The following ADK variants were observed in gnomAD, a reference collection of about 807,000 sequenced individuals.
ADK encodes the protein adenosine kinase.
A neutral mutation model predicts 44.7 loss-of-function variants in ADK; 24 were observed. The ratio of observed to expected loss-of-function variants is 0.54; its 90% CI spans 0.39 to 0.76. ADK has a LOEUF of 0.76. Among genes scored for constraint, ADK ranks in the 30% least tolerant of loss-of-function variants. The pLI, the probability that ADK is intolerant of heterozygous loss-of-function variation, is 0.00. For missense variants in ADK, 321 were observed against 425.1 expected (o/e 0.76, Z 2.15); for synonymous variants, 128 against 142.6 (o/e 0.90, Z 0.73).
chr10:74,476,385 G>A lies in ADK; in HGVS notation c.556-48871G>A, dbSNP rs910819816. ...ACACATGCTGTAATCCCAGCTACTC[G>A]GGAGGCTGAGGCAAGAGAATTGCTT... is the stretch of plus-strand genomic sequence containing the variant. On this transcript the variant is annotated intron_variant, in intron 6 of 10. Transcript: ENST00000539909. 3.9e-5 allele frequency among the ~76,000 whole-genome samples: 6 copies of A among 151,974 alleles called. No individual in the cohort carries two copies. In the East Asian group the frequency reaches 5.8e-4, roughly 15 times the overall value.
chr10:74,521,498 G>C (rs1283859053), intron 6 of ADK, among the ~76,000 whole-genome samples: 1 of 152,142 alleles, frequency 6.6e-6, no homozygotes, highest in Non-Finnish European at 1.5e-5. Context: ...TCTGAAGTTG[G>C]TGAGAAGCCT....
intron 7 of ADK, among the ~76,000 whole-genome samples, chr10:74,569,381 A>G (rs1380185988): frequency 6.6e-6 from 1 of 152,196 alleles, no homozygotes; most frequent in African/African-American, 2.4e-5. Context: ...GAACTAGTTT[A>G]CAGTCCCACC....
At chr10:74,371,869 TC>T in intron 4 of ADK, 2 of 1,436,500 alleles carry the variant, frequency 1.4e-6, no homozygotes, top group Non-Finnish European at 1.9e-6. Context: ...ACTAACCACA[TC>T]CAGGCAGCCT....
intron 7 of ADK, among the ~76,000 whole-genome samples, chr10:74,577,201 T>C (rs1269116570): frequency 1.3e-5 from 2 of 150,998 alleles, no homozygotes; most frequent in East Asian, 3.9e-4. Context: ...CATGTTAGAT[T>C]TTTCTCTCTG....
At chr10:74,648,779 G>C (rs771901984) in intron 9 of ADK, among the ~76,000 whole-genome samples, 3 of 152,178 alleles carry the variant, frequency 2.0e-5, no homozygotes, top group Non-Finnish European at 4.4e-5. Context: ...AAACAGAGCT[G>C]TATAAGAGCA....
At chr10:74,299,531 T>A (rs865879713) in intron 3 of ADK, among the ~76,000 whole-genome samples, 17 of 146,366 alleles carry the variant, frequency 1.2e-4, no homozygotes, top group East Asian at 3.9e-4. Flanking sequence ...TATATATATA[T>A]AAAATATATT....
At chr10:74,294,009 T>C (rs887777361) in intron 3 of ADK, among the ~76,000 whole-genome samples, 7 of 152,230 alleles carry the variant, frequency 4.6e-5, no homozygotes, top group Non-Finnish European at 8.8e-5. Flanking sequence ...TTTTAAACTT[T>C]AAATATATGG....
In ADK at chr10:74,448,034, G is replaced by A. The variant is rs376992020; in HGVS notation, c.555+49455G>A. On this transcript the variant is annotated intron_variant, in intron 6 of 10. Coordinates refer to ENST00000539909, the MANE Select transcript of ADK (RefSeq NM_006721.4). ...ACTAAAAATACAAAAAATGGCAGAC[G>A]TGGTGATGCATGCCTGTAATCTCAG... 7.2e-5 allele frequency among the ~76,000 whole-genome samples: 11 copies of A among 152,198 alleles called. No homozygotes were observed. In the East Asian group the frequency reaches 9.7e-4, roughly 13 times the overall value.
intron 2 of ADK, among the ~76,000 whole-genome samples, chr10:74,206,281 A>G (rs565831220): frequency 6.6e-6 from 1 of 152,364 alleles, no homozygotes; most frequent in African/African-American, 2.4e-5. Flanking sequence ...GGTCTTTGCT[A>G]TGTCTGAAGA....
At chr10:74,388,293 T>G (rs1041208871) in intron 4 of ADK, among the ~76,000 whole-genome samples, 3 of 152,254 alleles carry the variant, frequency 2.0e-5, no homozygotes, top group Non-Finnish European at 2.9e-5. Flanking sequence ...AATTGACGTT[T>G]AGCAGTGTTA....
chr10:74,241,698 A>G (rs1372120640), intron 3 of ADK, among the ~76,000 whole-genome samples: 5 of 152,100 alleles, frequency 3.3e-5, no homozygotes, highest in Admixed American at 3.3e-4. Flanking sequence ...TAAAACTCTT[A>G]GAACAAGATT....
chr10:74,503,272 A>G (rs1389351141), intron 6 of ADK, among the ~76,000 whole-genome samples: 1 of 152,228 alleles, frequency 6.6e-6, no homozygotes, highest in Non-Finnish European at 1.5e-5. Flanking sequence ...GTGAATAAAT[A>G]TCACCAGCAA....
chr10:74,358,777 TGAATC>T (rs1842226161), intron 4 of ADK, among the ~76,000 whole-genome samples: 2 of 152,254 alleles, frequency 1.3e-5, no homozygotes, highest in African/African-American at 4.8e-5. Context: ...GAAGTGCAGA[TGAATC>T]GAACATAGTT....
chr10:74,233,425 G>A (rs1316832255), intron 3 of ADK, among the ~76,000 whole-genome samples: 5 of 152,150 alleles, frequency 3.3e-5, no homozygotes, highest in African/African-American at 1.2e-4. Context: ...GGTAGAGTGG[G>A]GATGAGTAAG....
chr10:74,608,202 T>C (rs1287771152), intron 9 of ADK, among the ~76,000 whole-genome samples: 1 of 151,868 alleles, frequency 6.6e-6, no homozygotes, highest in Non-Finnish European at 1.5e-5. Flanking sequence ...GCGGAATTTG[T>C]TATTACCCAC....
At chr10:74,248,145 G>A (rs10824128) in intron 3 of ADK, among the ~76,000 whole-genome samples, 25,944 of 152,040 alleles carry the variant, frequency 0.17, 2,586 homozygotes, top group African/African-American at 0.28. Flanking sequence ...CCTTTGAGGG[G>A]CTTCCTTCGT....
intron 9 of ADK, among the ~76,000 whole-genome samples, chr10:74,658,221 T>C (rs1854564610): frequency 6.6e-6 from 1 of 152,192 alleles, no homozygotes; most frequent in Admixed American, 6.5e-5. Context: ...CCCTATAATA[T>C]ACCAGGCATA....
chr10:74,195,707 CTTTTT>C (rs71475265), intron 1 of ADK, among the ~76,000 whole-genome samples: 22 of 97,534 alleles, frequency 2.3e-4, no homozygotes, highest in East Asian at 5.9e-4. Flanking sequence ...TCTTTTCTTT[CTTTTT>C]TTTTTTTTTT....
chr10:74,669,303 T>C (rs1179571015), intron 9 of ADK, among the ~76,000 whole-genome samples: 1 of 152,224 alleles, frequency 6.6e-6, no homozygotes, highest in Non-Finnish European at 1.5e-5. Flanking sequence ...CTTTAGCCAC[T>C]CTGTCCCCAT....
Sources: gnomAD v4.1 joint callset for allele counts (sites outside exome capture counted in the v4.1 genomes callset) on GRCh38, gnomAD v4.1.1 for gene constraint, MANE v1.5 for transcripts, NCBI Gene and HGNC (gene_info 2026-07-23, HGNC 2026-07-21) for gene names.